Variants in FRMPD4 observed in about 807,000 individuals in gnomAD.
The protein encoded by FRMPD4 is FERM and PDZ domain containing 4.
FRMPD4 carries 22 observed loss-of-function variants against 94.1 expected under a neutral mutation model. The observed-to-expected ratio is 0.23, with a 90% CI of 0.17 to 0.33. FRMPD4 has a LOEUF of 0.33. Among genes scored for constraint, FRMPD4 ranks in the 10% least tolerant of loss-of-function variants. FRMPD4 has a pLI of 1.00. For synonymous variants in FRMPD4, 631 were observed against 548.6 expected (o/e 1.15, Z -2.10); for missense variants, 1,111 against 1,339.9 (o/e 0.83, Z 2.67).
intron 3 of FRMPD4, among the ~76,000 whole-genome samples, chrX:11,994,359 C>A (rs780378998): frequency 1.8e-5 from 2 of 111,426 alleles, no homozygotes; most frequent in South Asian, 3.8e-4. Context: ...CCCTAATGGC[C>A]TGTGGAATTT....
In FRMPD4 at chrX:11,924,112, A is replaced by G. The variant is rs747540461; in HGVS notation, c.95+46094A>G. 1.1e-4 allele frequency among the ~76,000 whole-genome samples: 12 copies of G among 112,510 alleles called. No homozygotes were observed. In the East Asian group the frequency reaches 1.9e-3, roughly 18 times the overall value. On this transcript the variant is annotated intron_variant, in intron 3 of 18. Transcript: ENST00000640291. ...AACCAATCTGAGAGAGCTGAAAAAC[A>G]TAGTACAGGAGTTTCATAATGCAAT...
chrX:11,903,129 T>C (rs1383710869), intron 3 of FRMPD4, among the ~76,000 whole-genome samples: 1 of 112,272 alleles, frequency 8.9e-6, no homozygotes, highest in Non-Finnish European at 1.9e-5. Context: ...TCTTTGAGTG[T>C]GATTACTAGT....
At chrX:12,521,064 G>C (rs1237515301) in intron 2 of FRMPD4, among the ~76,000 whole-genome samples, 16 of 111,910 alleles carry the variant, frequency 1.4e-4, no homozygotes, top group African/African-American at 4.2e-4. Flanking sequence ...GCATGGCTGT[G>C]CTCCAAAAAA....
intron 1 of FRMPD4, among the ~76,000 whole-genome samples, chrX:12,202,537 G>A (rs774420873): frequency 5.4e-5 from 6 of 112,094 alleles, no homozygotes; most frequent in Non-Finnish European, 7.5e-5. Flanking sequence ...TTATGCTCAG[G>A]GCACTGATCT....
intron 1 of FRMPD4, among the ~76,000 whole-genome samples, chrX:12,181,850 C>T (rs761308984): frequency 8.0e-5 from 9 of 111,848 alleles, no homozygotes; most frequent in Non-Finnish European, 1.5e-4. Context: ...GCCTCTCAGC[C>T]TCCTTTTTCT....
intron 1 of FRMPD4, among the ~76,000 whole-genome samples, chrX:12,444,357 G>T (rs2057171770): frequency 9.0e-6 from 1 of 111,561 alleles, no homozygotes; most frequent in Non-Finnish European, 1.9e-5. Flanking sequence ...AATAAAGGGG[G>T]TGGTAAGCTC....
chrX:12,690,529 G>A (rs746597817), intron 8 of FRMPD4, among the ~76,000 whole-genome samples: 1 of 112,107 alleles, frequency 8.9e-6, no homozygotes, highest in East Asian at 2.8e-4. Flanking sequence ...CAGACTGTCA[G>A]TCTCACAACT....
At chrX:12,278,640 G>T (rs947409729) in intron 1 of FRMPD4, among the ~76,000 whole-genome samples, 26 of 112,290 alleles carry the variant, frequency 2.3e-4, no homozygotes, top group Admixed American at 2.8e-4. Flanking sequence ...CAGATGACTT[G>T]GTGTAGCAGA....
At chrX:12,062,786 C>G (rs1337780927) in intron 3 of FRMPD4, among the ~76,000 whole-genome samples, 1 of 111,602 alleles carries the variant, frequency 9.0e-6, no homozygotes, top group African/African-American at 3.3e-5. Context: ...TTTTCTATCT[C>G]ACATGTTACT....
intron 4 of FRMPD4, among the ~76,000 whole-genome samples, chrX:12,643,994 C>T (rs2148464437): frequency 8.9e-6 from 1 of 112,442 alleles, no homozygotes; most frequent in East Asian, 2.8e-4. Flanking sequence ...ATTTTGTAGC[C>T]TTGTCTTTAC....
chrX:12,163,315 A>G (rs1735626781), intron 1 of FRMPD4, among the ~76,000 whole-genome samples: 1 of 109,460 alleles, frequency 9.1e-6, no homozygotes, highest in African/African-American at 3.3e-5. Flanking sequence ...GTTTCTTCTC[A>G]TGTTTCCCAT....
intron 1 of FRMPD4, among the ~76,000 whole-genome samples, chrX:11,850,488 A>G (rs2147289233): frequency 8.9e-6 from 1 of 112,635 alleles, no homozygotes; most frequent in African/African-American, 3.2e-5. Context: ...TCTTGGAAAG[A>G]TATTTGCAGA....
chrX:12,450,863 CAAAAAAAAAAA>C (rs5901475), intron 1 of FRMPD4, among the ~76,000 whole-genome samples: 127 of 49,542 alleles, frequency 2.6e-3, no homozygotes, highest in Non-Finnish European at 4.0e-3. Flanking sequence ...TCTATTTATC[CAAAAAAAAAAA>C]AAAAAAAAAG....
intron 4 of FRMPD4, among the ~76,000 whole-genome samples, chrX:12,670,736 A>T (rs1181034628): frequency 8.9e-6 from 1 of 112,317 alleles, no homozygotes; most frequent in Non-Finnish European, 1.9e-5. Context: ...AAATTGACAA[A>T]TGGGATCTGA....
intron 2 of FRMPD4, among the ~76,000 whole-genome samples, chrX:12,598,521 C>T (rs2059054632): frequency 9.0e-6 from 1 of 111,712 alleles, no homozygotes; most frequent in Admixed American, 9.5e-5. Flanking sequence ...CACAAGGATC[C>T]CATGTGATGC....
chrX:12,038,251 A>G (rs1319888419), intron 3 of FRMPD4, among the ~76,000 whole-genome samples: 1 of 111,987 alleles, frequency 8.9e-6, no homozygotes, highest in Non-Finnish European at 1.9e-5. Flanking sequence ...ATTCCCATTA[A>G]CAATGTATGA....
chrX:12,405,340 C>G (rs2056654656), intron 1 of FRMPD4, among the ~76,000 whole-genome samples: 1 of 110,563 alleles, frequency 9.0e-6, no homozygotes, highest in South Asian at 3.9e-4. Context: ...CTCCAGCGAC[C>G]AACATTGGAG....
chrX:12,068,351 A>C (rs1007817169), intron 3 of FRMPD4, among the ~76,000 whole-genome samples: 2 of 110,826 alleles, frequency 1.8e-5, no homozygotes, highest in Non-Finnish European at 3.8e-5. Flanking sequence ...TATAGCAGCA[A>C]GAAGAAACTA....
chrX:12,238,701 A>C (rs909603741), intron 1 of FRMPD4, among the ~76,000 whole-genome samples: 3 of 112,269 alleles, frequency 2.7e-5, no homozygotes, highest in African/African-American at 9.7e-5. Flanking sequence ...GTATAATACA[A>C]AGTCATTAAA....
Sources: allele counts gnomAD v4.1 joint callset (sites outside exome capture counted in the v4.1 genomes callset), GRCh38; gene constraint gnomAD v4.1.1; transcripts MANE v1.5; gene names NCBI Gene and HGNC (gene_info 2026-07-23, HGNC 2026-07-21).